The following ATPAF1 variants were observed in gnomAD, a reference collection of about 807,000 sequenced individuals.
The protein encoded by ATPAF1 is homolog of yeast ATP11.
In ATPAF1, 26 loss-of-function variants were observed where a neutral mutation model predicts 43.9. That is an observed-to-expected ratio of 0.59 (90% confidence interval 0.43 to 0.82). ATPAF1 has a LOEUF of 0.82. Among genes scored for constraint, ATPAF1 ranks in the 40% least tolerant of loss-of-function variants. The pLI, the probability that ATPAF1 is intolerant of heterozygous loss-of-function variation, is 0.00. For missense variants in ATPAF1, 366 were observed against 435.0 expected (o/e 0.84, Z 1.41); for synonymous variants, 157 against 168.0 (o/e 0.93, Z 0.50).
intron 4 of ATPAF1, among the ~76,000 whole-genome samples, chr1:46,656,132 G>A (rs368872350): frequency 2.0e-5 from 3 of 152,212 alleles, no homozygotes; most frequent in Non-Finnish European, 2.9e-5. Flanking sequence ...ACTTGGAACT[G>A]TATCCTGAAG....
At chr1:46,650,336 C>T (rs1263230850) in intron 6 of ATPAF1, among the ~76,000 whole-genome samples, 2 of 144,822 alleles carry the variant, frequency 1.4e-5, no homozygotes, top group Non-Finnish European at 3.0e-5. Context: ...CCATCCTGGG[C>T]AACACAGTAA....
intron 2 of ATPAF1, 143 bp downstream of exon 2, chr1:46,665,113 T>C (rs1676465039): frequency 1.4e-6 from 1 of 739,668 alleles, no homozygotes; most frequent in African/African-American, 1.7e-5. Flanking sequence ...GATAAACATT[T>C]ATGGATGGAA....
chr1:46,660,223 C>T (rs897063161), intron 2 of ATPAF1, among the ~76,000 whole-genome samples: 1 of 152,056 alleles, frequency 6.6e-6, no homozygotes. Context: ...GTGATCTGCC[C>T]GCTTCGGCCT....
chr1:46,649,966 C>CA (rs763668635), intron 6 of ATPAF1, among the ~76,000 whole-genome samples: 16 of 152,160 alleles, frequency 1.1e-4, no homozygotes, highest in Non-Finnish European at 1.9e-4. Context: ...CTGAGCCATC[C>CA]AATCCATGAA....
intron 4 of ATPAF1, 120 bp downstream of exon 4, chr1:46,658,005 CTT>C: frequency 1.1e-6 from 1 of 936,026 alleles, no homozygotes; most frequent in Non-Finnish European, 1.7e-6. Context: ...TAATTCATCA[CTT>C]TTGCCTTTTA....
At chr1:46,668,446 G>A (rs1269727987), upstream of ATPAF1, 5 of 1,141,598 alleles carry the variant, frequency 4.4e-6, no homozygotes, top group African/African-American at 1.6e-5. The surrounding 1 kb of genome is among the most constrained non-coding windows in gnomAD (Gnocchi z 4.4). Flanking sequence ...GCGCGCCCAA[G>A]GTTCCGGGCG....
At chr1:46,634,479 G>A (rs1261875608), downstream of ATPAF1, 1 of 152,428 alleles carries the variant, frequency 6.6e-6, no homozygotes, top group East Asian at 1.9e-4. Context: ...GCCAGGTATG[G>A]TGGCATGCGC....
downstream of ATPAF1, chr1:46,633,005 T>G (rs1372933462): frequency 6.6e-6 from 1 of 152,662 alleles, no homozygotes; most frequent in Non-Finnish European, 1.5e-5. Flanking sequence ...TGTACATTTT[T>G]GTAAAGAATA....
chr1:46,662,805 A>C (rs572919193), intron 2 of ATPAF1, among the ~76,000 whole-genome samples: 1 of 152,166 alleles, frequency 6.6e-6, no homozygotes, highest in Middle Eastern at 3.4e-3. Context: ...ATTATACTTT[A>C]AGTTTTAGGG....
chr1:46,645,369 T>G (rs758227012), intron 6 of ATPAF1, 113 bp from the exon 7 acceptor site: 172 of 866,264 alleles, frequency 2.0e-4, no homozygotes, highest in Admixed American at 2.8e-4. Flanking sequence ...TTAAAATATT[T>G]TTTTATTTTT....
At chr1:46,643,518 G>C (rs1192500807) in intron 7 of ATPAF1, among the ~76,000 whole-genome samples, 2 of 152,214 alleles carry the variant, frequency 1.3e-5, no homozygotes, top group Admixed American at 1.3e-4. Context: ...ACTGGAAAAG[G>C]TTTGGCTTTT....
chr1:46,641,016 C>T (rs1016484115), intron 8 of ATPAF1, among the ~76,000 whole-genome samples: 1 of 152,188 alleles, frequency 6.6e-6, no homozygotes, highest in African/African-American at 2.4e-5. Flanking sequence ...AAAAATATCA[C>T]TTCCCGCTTT....
chr1:46,668,181 G>A lies in ATPAF1; in HGVS notation c.142C>T (p.Pro48Ser), dbSNP rs1352890494. 3 of 1,402,922 alleles carry A rather than the reference G, an allele frequency of 2.1e-6. No homozygotes were observed. The highest frequency in any genetic ancestry group is 2.8e-6 in the Non-Finnish European group (3 of 1,079,092). 86.9% of individuals were successfully genotyped at this position (1,402,922 alleles called of 1,614,324 possible). Reference sequence around the variant, plus strand: ...GGCCGGCCCGAGCCGGGGCGCACTGGGAAGACGCGCAGCTGCGCGGGTGAC... The same window carrying A: ...GGCCGGCCCGAGCCGGGGCGCACTGAGAAGACGCGCAGCTGCGCGGGTGAC... Residue 48 changes from proline (P) to serine (S), a missense_variant, in exon 1 of 9, where the codon CCA becomes TCA. This residue lies in a region of ATPAF1 where 186 missense variants were observed against 168.5 expected (regional missense o/e 1.10). Coordinates refer to ENST00000574428, the Ensembl canonical transcript of ATPAF1. This position sits in a 1 kb window ranked among gnomAD's most constrained non-coding sequence, Gnocchi z 4.4.
At position 46,643,263 on chromosome 1, in the gene ATPAF1, A is replaced by T; in HGVS notation, c.723T>A (p.Tyr241Ter). Residue 241 changes from tyrosine to a stop codon, truncating the protein, a stop_gained, in exon 8 of 9, where the codon TAT becomes TAA. Transcript: ENST00000574428. LOFTEE classifies it high-confidence loss of function. ...TTTCTTCCTTAAGTTCAGGATAGTG[A>T]TATAAAATCAGCTGGCTGGCTGCAG... 6.2e-7 allele frequency: 1 copy of T among 1,613,858 alleles called. No individual in the cohort carries two copies. The highest frequency in any genetic ancestry group is 8.5e-7 in the Non-Finnish European group (1 of 1,179,898).
chr1:46,662,591 T>C lies in ATPAF1; in HGVS notation c.375+2665A>G, dbSNP rs1043373190. Among the ~76,000 whole-genome samples, 4 of 151,930 alleles carry C rather than the reference T, an allele frequency of 2.6e-5. No individual in the cohort carries two copies. The East Asian group carries it at 7.8e-4, about 29-fold the overall frequency. On this transcript the variant is annotated intron_variant, in intron 2 of 8. Transcript: ENST00000574428. ...ACAGGCGCCTGCTACCACACCCAGC[T>C]AAGTTTTGTATTTTTAGTAGATACA...
Position 46,657,490 on chromosome 1 carries a change from T to C in ATPAF1, c.489+637A>G, listed in dbSNP as rs1569627386. Among the ~76,000 whole-genome samples the C allele has an allele frequency of 3.9e-5, 6 of 152,100 alleles. No homozygotes were observed. The South Asian group carries it at 1.0e-3, about 26-fold the overall frequency. ...CATTTGTGACCAGGTTCCTAATACA[T>C]TTTTTTCCCATTTTTTAAAAAACAT... On this transcript the variant is annotated intron_variant, in intron 4 of 8. Coordinates refer to ENST00000574428, the Ensembl canonical transcript of ATPAF1.
chr1:46,665,844 G>A (rs778400955), intron 1 of ATPAF1: 1 of 1,426,048 alleles, frequency 7.0e-7, no homozygotes, highest in Admixed American at 3.0e-5. Context: ...TTTTGCAGAA[G>A]ATTTAGCATC....
intron 2 of ATPAF1, among the ~76,000 whole-genome samples, chr1:46,664,288 G>A (rs1676450750): frequency 6.6e-6 from 1 of 152,090 alleles, no homozygotes; most frequent in Admixed American, 6.6e-5. Flanking sequence ...AGTTTTAAAT[G>A]GTATTATCTC....
downstream of ATPAF1, chr1:46,633,397 T>C (rs1171077908): frequency 9.2e-6 from 2 of 216,634 alleles, no homozygotes; most frequent in African/African-American, 4.9e-5. Context: ...GAGGTAGATA[T>C]TATTATCCCT....
Sources: allele counts gnomAD v4.1 joint callset (sites outside exome capture counted in the v4.1 genomes callset), GRCh38; gene constraint gnomAD v4.1.1; regional missense constraint gnomAD v4.1.1; non-coding constraint Gnocchi (gnomAD v3.1); transcripts MANE v1.5; gene names NCBI Gene and HGNC (gene_info 2026-07-23, HGNC 2026-07-21).